MRGBP: variants seen among roughly 807,000 people sequenced by gnomAD.
The protein encoded by MRGBP is MRG domain binding protein, also known as MRG/MORF4L-binding protein.
In MRGBP, 5 loss-of-function variants were observed where a neutral mutation model predicts 21.5. The observed-to-expected ratio is 0.23, with a 90% CI of 0.12 to 0.49. MRGBP has a LOEUF of 0.49. MRGBP is among the 20% of genes least tolerant of loss of function. MRGBP has a pLI of 0.98. For synonymous variants in MRGBP, 118 were observed against 104.4 expected (o/e 1.13, Z -0.79); for missense variants, 227 against 277.4 (o/e 0.82, Z 1.29).
At position 62,797,122 on chromosome 20, in the gene MRGBP, A is replaced by T; in HGVS notation, c.161A>T (p.His54Leu). 6.3e-7 allele frequency: 1 copy of T among 1,598,338 alleles called. No individual in the cohort carries two copies. Among genetic ancestry groups the T allele is most frequent in the Non-Finnish European group, 8.5e-7 (1 of 1,174,828 alleles). The part of the protein sequence containing the change: ...LGHKPVGVNR[H>L]FHMICIRDKF... ...CTCCTCCCCTCAGGTGTGAACCGAC[A>T]CTTCCACATGATTTGTATTCGGGAC... Residue 54 changes from histidine (H) to leucine (L), a missense_variant, in exon 2 of 5, where the codon CAC becomes CTC. Around this residue, in one of 2 missense-constraint regions of MRGBP, gnomAD observed 162 missense variants for 227.7 expected, o/e 0.71. Transcript: ENST00000370487.
At chr20:62,798,833 A>C in intron 3 of MRGBP, 142 bp from the exon 4 acceptor site, 3 of 1,571,544 alleles carry the variant, frequency 1.9e-6, no homozygotes, top group Non-Finnish European at 2.6e-6. Flanking sequence ...GGGATTGGAG[A>C]GGACTTTGTT....
At position 62,796,489 on chromosome 20, in the gene MRGBP, C is replaced by T; in HGVS notation, c.-35C>T. 2 of 1,112,950 alleles carry T rather than the reference C, an allele frequency of 1.8e-6. No individual in the cohort carries two copies. Among genetic ancestry groups the T allele is most frequent in the Non-Finnish European group, 2.2e-6 (2 of 911,778 alleles). 68.9% of individuals were successfully genotyped at this position (1,112,950 alleles called of 1,614,324 possible). Reference sequence around the variant, plus strand: ...GCGGAGCTCGTGGCCGCGCCTGCTCCCGCCGGGGGCTCCTTGCTCGGCCGG... The same window carrying T: ...GCGGAGCTCGTGGCCGCGCCTGCTCTCGCCGGGGGCTCCTTGCTCGGCCGG... On this transcript the variant is annotated 5_prime_UTR_variant, in exon 1 of 5. Transcript: ENST00000370487.
rs1171923517 is a variant in MRGBP at position 62,798,971 on chromosome 20, A to G, written c.353-4A>G. On this transcript the variant is annotated splice_region_variant and splice_polypyrimidine_tract_variant and intron_variant, in intron 3 of 4. Coordinates refer to ENST00000370487, the MANE Select transcript of MRGBP (RefSeq NM_018270.6). Reference sequence around the variant, plus strand: ...TCGGTGAGCGTCAGCTGTCTCCTCCACAGGAAAAGTGATGATAGAAGAGGA... The same window carrying G: ...TCGGTGAGCGTCAGCTGTCTCCTCCGCAGGAAAAGTGATGATAGAAGAGGA... 1.9e-6 allele frequency: 3 copies of G among 1,613,604 alleles called. No homozygotes were observed. Among genetic ancestry groups the G allele is most frequent in the Non-Finnish European group, 2.5e-6 (3 of 1,179,962 alleles).
rs200664568 is a variant in MRGBP at position 62,797,216 on chromosome 20, C to T, written c.255C>T (p.Tyr85=). 8.8e-6 allele frequency: 14 copies of T among 1,592,846 alleles called. No individual in the cohort carries two copies. In the African/African-American group the frequency reaches 1.5e-4, roughly 17 times the overall value. The change falls in exon 2 of 5, where the codon TAC becomes TAT. Residue 85 remains tyrosine (Y), a synonymous_variant. Coordinates refer to ENST00000370487, the MANE Select transcript of MRGBP (RefSeq NM_018270.6). ...KVIWDHLSTM[Y]DMQALHESEI... Reference sequence around the variant, plus strand: ...TCTGGGACCATCTGAGCACCATGTACGACATGCAGGCGCTGGTGAGCCCAA... The same window carrying T: ...TCTGGGACCATCTGAGCACCATGTATGACATGCAGGCGCTGGTGAGCCCAA...
Position 62,796,823 on chromosome 20 carries a change from C to A in MRGBP, c.148+152C>A, listed in dbSNP as rs1408355286. 379 of 806,052 alleles carry A rather than the reference C, an allele frequency of 4.7e-4. 1 individual carries two copies. The highest frequency in any genetic ancestry group is 3.6e-3 in the Middle Eastern group (7 of 1,960). 49.9% of individuals were successfully genotyped at this position (806,052 alleles called of 1,614,324 possible). ...ACACCCGTCCCGGGACCCCCGCCCC[C>A]TCCCACGCGCCCTTCGGACCCCGCC... is the stretch of plus-strand genomic sequence containing the variant. On this transcript the variant is annotated intron_variant, in intron 1 of 4. Transcript: ENST00000370487.
chr20:62,799,522 C>T lies in MRGBP; in HGVS notation c.494C>T (p.Ser165Phe), dbSNP rs185858280. Residue 165 changes from serine to phenylalanine, a missense_variant, in exon 5 of 5, where the codon TCC becomes TTC. Ser to Phe is a radical substitution (Grantham distance 155, BLOSUM62 -2). Coordinates refer to ENST00000370487, the MANE Select transcript of MRGBP (RefSeq NM_018270.6). ...TCCAGCAAAGACAAAGAGAAGAACT[C>T]CTCAGACTTGGGGTGCAAAGAAGGC... ...EKSSKDKEKN[S>F]SDLGCKEGAD... 3 of 1,613,932 alleles carry T rather than the reference C, an allele frequency of 1.9e-6. No individual in the cohort carries two copies. Among genetic ancestry groups the T allele is most frequent in the East Asian group, 4.5e-5 (2 of 44,890 alleles).
chr20:62,797,334 TG>T (rs1990360127), intron 2 of MRGBP, 103 bp downstream of exon 2: 3 of 1,408,546 alleles, frequency 2.1e-6, no homozygotes, highest in Admixed American at 2.8e-5. Context: ...CCATGTCTGC[TG>T]GGGTCTGCTG....
chr20:62,800,552 A>C lies in MRGBP; in HGVS notation c.*909A>C, dbSNP rs1990436586. On this transcript the variant is annotated 3_prime_UTR_variant, in exon 5 of 5. Transcript: ENST00000370487. The stretch of plus-strand genomic sequence containing the variant: ...CCGCCCCAGTGCTGATGGAGATGCC[A>C]CTTTCGTGTGACTGCGAACATTAAA... 1 of 152,304 alleles carries C rather than the reference A, an allele frequency of 6.6e-6. No homozygotes were observed. The highest frequency in any genetic ancestry group is 1.5e-5 in the Non-Finnish European group (1 of 68,044). 9.4% of individuals were successfully genotyped at this position (152,304 alleles called of 1,614,324 possible). A position where few individuals can be genotyped will look rare whatever the true frequency, so the allele number is the denominator to read the frequency against.
At position 62,796,591 on chromosome 20, in the gene MRGBP, G is replaced by C. The variant is rs1240251504; in HGVS notation, c.68G>C (p.Ser23Thr). Reference sequence around the variant, plus strand: ...AAGGGCCCGGGGGAGGCGGCCACCAGCCCGGCGGAGGAGACAGTGGTGTGG... The same window carrying C: ...AAGGGCCCGGGGGAGGCGGCCACCACCCCGGCGGAGGAGACAGTGGTGTGG... ...GDKGPGEAATSPAEETVVWSP... is the reference protein window; with the variant it reads ...GDKGPGEAATTPAEETVVWSP... Residue 23 changes from serine (S) to threonine (T), a missense_variant, in exon 1 of 5, where the codon AGC becomes ACC. This residue lies in a region of MRGBP where 65 missense variants were observed against 49.7 expected (regional missense o/e 1.31). Transcript: ENST00000370487. 5.5e-6 allele frequency: 7 copies of C among 1,279,952 alleles called. No homozygotes were observed. The highest frequency in any genetic ancestry group is 6.9e-6 in the Non-Finnish European group (7 of 1,009,254). The allele number at this position is 1,279,952 out of a possible 1,614,324, so 79.3% of individuals were successfully genotyped here.
chr20:62,796,647 G>A lies in MRGBP; in HGVS notation c.124G>A (p.Ala42Thr). The change falls in exon 1 of 5, where the codon GCC (alanine) becomes ACC (threonine). Residue 42 changes from alanine to threonine, a missense_variant. Ala to Thr is a moderately conservative substitution (Grantham distance 58). Coordinates refer to ENST00000370487, the MANE Select transcript of MRGBP (RefSeq NM_018270.6). ...CGAGGTGGAGGTGTGCCTCTTCCAC[G>A]CCATGCTGGGCCACAAGCCCGTCGG... The part of the protein sequence containing the change: ...SPEVEVCLFH[A>T]MLGHKPVGVN... 2 of 1,331,476 alleles carry A rather than the reference G, an allele frequency of 1.5e-6. No individual in the cohort carries two copies. The allele number at this position is 1,331,476 out of a possible 1,614,324, so 82.5% of individuals were successfully genotyped here. A position where few individuals can be genotyped will look rare whatever the true frequency, so the allele number is the denominator to read the frequency against.
chr20:62,801,036 TC>T lies in MRGBP; in HGVS notation c.*1396del, dbSNP rs2147177174. The T allele has an allele frequency of 6.6e-6, 1 of 152,314 alleles. No individual in the cohort carries two copies. Among genetic ancestry groups the T allele is most frequent in the East Asian group, 1.9e-4 (1 of 5,172 alleles). 9.4% of individuals were successfully genotyped at this position (152,314 alleles called of 1,614,324 possible). On this transcript the variant is annotated 3_prime_UTR_variant, in exon 5 of 5. Transcript: ENST00000370487. ...ACCTGGGAACATCCCTGGCCATCTG[TC>T]CCTGAAGTCCTCCTCACCATGACGC...
chr20:62,797,089 C>T (rs1399358805), intron 1 of MRGBP, 21 bp from the exon 2 acceptor site: 6 of 1,582,996 alleles, frequency 3.8e-6, no homozygotes, highest in East Asian at 2.3e-5. Context: ...CCGGTTATCC[C>T]GCCGCCCCTC....
intron 3 of MRGBP, 26 bp from the exon 4 acceptor site, chr20:62,798,949 G>A (rs761193016): frequency 6.2e-7 from 1 of 1,613,316 alleles, no homozygotes; most frequent in Admixed American, 1.7e-5. Flanking sequence ...TGGGTTTTCG[G>A]TGAGCGTCAG....
At chr20:62,798,263 C>T (rs2294981) in intron 2 of MRGBP, among the ~76,000 whole-genome samples, 12,609 of 152,142 alleles carry the variant, frequency 0.083, 848 homozygotes, top group East Asian at 0.33. Flanking sequence ...GCTGGGCAGG[C>T]GGAGCCCACA....
Position 62,800,003 on chromosome 20 carries a change from G to A in MRGBP, c.*360G>A. 1 of 216,752 alleles carries A rather than the reference G, an allele frequency of 4.6e-6. No homozygotes were observed. The highest frequency in any genetic ancestry group is 9.1e-6 in the Non-Finnish European group (1 of 109,798). The allele number at this position is 216,752 out of a possible 1,614,324, so 13.4% of individuals were successfully genotyped here. ...TTTGGGATCCAGGCTACCTAGAGGG[G>A]CATCGGGCCAGGGAAAACCTCGGAT... On this transcript the variant is annotated 3_prime_UTR_variant, in exon 5 of 5. Coordinates refer to ENST00000370487, the MANE Select transcript of MRGBP (RefSeq NM_018270.6).
At chr20:62,797,923 CA>C (rs1012519782) in intron 2 of MRGBP, among the ~76,000 whole-genome samples, 3 of 152,112 alleles carry the variant, frequency 2.0e-5, no homozygotes, top group African/African-American at 7.2e-5. Flanking sequence ...GGGTGGGGGT[CA>C]GGGGTCAGGT....
At chr20:62,797,670 G>A (rs1317912699) in intron 2 of MRGBP, among the ~76,000 whole-genome samples, 6 of 152,216 alleles carry the variant, frequency 3.9e-5, no homozygotes, top group Non-Finnish European at 8.8e-5. Flanking sequence ...GGAGGCCCCC[G>A]AAGTGCTTTA....
chr20:62,799,106 G>C, intron 4 of MRGBP, 57 bp downstream of exon 4: 1 of 1,545,102 alleles, frequency 6.5e-7, no homozygotes, highest in Non-Finnish European at 8.8e-7. Flanking sequence ...CCCCAAGACT[G>C]CCTTCAGGCA....
In MRGBP at chr20:62,798,686, T is replaced by C. The variant is rs1238232266; in HGVS notation, c.352+18T>C. The C allele has an allele frequency of 1.9e-6, 3 of 1,612,700 alleles. No homozygotes were observed. The highest frequency in any genetic ancestry group is 1.7e-4 in the Middle Eastern group (1 of 6,058). On this transcript the variant is annotated intron_variant, in intron 3 of 4. Coordinates refer to ENST00000370487, the MANE Select transcript of MRGBP (RefSeq NM_018270.6). The stretch of plus-strand genomic sequence containing the variant: ...CCGAGAAGGTGAGGCTCGGGAAAGG[T>C]TGGGCTTGGGATTCAGAAAAGGCCA...
Sources: gnomAD v4.1 joint callset for allele counts (sites outside exome capture counted in the v4.1 genomes callset) on GRCh38, gnomAD v4.1.1 for gene constraint, gnomAD v4.1.1 regional missense constraint, MANE v1.5 for transcripts, NCBI Gene and HGNC (gene_info 2026-07-23, HGNC 2026-07-21) for gene names.